SUPT16H: variants seen among roughly 807,000 people sequenced by gnomAD.
SUPT16H encodes FACT complex subunit SPT16.
A neutral mutation model predicts 136.2 loss-of-function variants in SUPT16H; 24 were observed. The ratio of observed to expected loss-of-function variants is 0.18; its 90% CI spans 0.13 to 0.25. The LOEUF is 0.25. Among genes scored for constraint, SUPT16H ranks in the 10% least tolerant of loss-of-function variants. The pLI, the probability that SUPT16H is intolerant of heterozygous loss-of-function variation, is 1.00. For missense variants in SUPT16H, 623 were observed against 1,270.2 expected (o/e 0.49, Z 7.74); for synonymous variants, 415 against 428.2 (o/e 0.97, Z 0.38).
intron 8 of SUPT16H, 53 bp from the exon 9 acceptor site, chr14:21,365,196 T>C: frequency 6.6e-7 from 1 of 1,504,592 alleles, no homozygotes. Flanking sequence ...CTAACATGGA[T>C]CAAGCATAAC....
intron 21 of SUPT16H, 115 bp from the exon 22 acceptor site, chr14:21,357,481 G>GT (rs1296331354): frequency 2.5e-6 from 3 of 1,191,952 alleles, no homozygotes; most frequent in East Asian, 5.8e-5. Flanking sequence ...GCTGTTTTTT[G>GT]GTTTTTTTTT....
rs1345688928 is a variant in SUPT16H, at chr14:21,370,615, CT to C, written c.331-128del. The C allele has an allele frequency of 3.9e-5, 41 of 1,041,864 alleles. No individual in the cohort carries two copies. The East Asian group carries it at 7.4e-4, about 19-fold the overall frequency. 64.5% of individuals were successfully genotyped at this position (1,041,864 alleles called of 1,614,324 possible). A position where few individuals can be genotyped will look rare whatever the true frequency, so the allele number is the denominator to read the frequency against. ...TTAATTCTCCTCCCATCCCCACCTA[CT>C]TTTTACTTTTAAAGAGACAGGGTCT... On this transcript the variant is annotated intron_variant, in intron 3 of 25. Coordinates refer to ENST00000216297, the MANE Select transcript of SUPT16H (RefSeq NM_007192.4).
chr14:21,381,786 C>CTG (rs141560060), intron 1 of SUPT16H, among the ~76,000 whole-genome samples: 2 of 132,412 alleles, frequency 1.5e-5, no homozygotes, highest in Non-Finnish European at 3.1e-5. Flanking sequence ...ATTTATTTGC[C>CTG]TTTTTTTTTT....
intron 5 of SUPT16H, 166 bp downstream of exon 5, chr14:21,369,584 A>T: frequency 9.7e-7 from 1 of 1,030,834 alleles, no homozygotes; most frequent in Non-Finnish European, 1.4e-6. Flanking sequence ...TCAAGAAAAC[A>T]TAACGCAGGC....
Position 21,384,014 on chromosome 14 carries a change from T to A in SUPT16H, c.-87A>T. On this transcript the variant is annotated 5_prime_UTR_variant, in exon 1 of 26. Coordinates refer to ENST00000216297, the MANE Select transcript of SUPT16H (RefSeq NM_007192.4). ...CGCTCTCGGCCCAGGAATCCCGCAC[T>A]CTCCCAATGACCCGGAAGTATCGAC... is the stretch of plus-strand genomic sequence containing the variant. 1 of 1,476,508 alleles carries A rather than the reference T, an allele frequency of 6.8e-7. No homozygotes were observed. Among genetic ancestry groups the A allele is most frequent in the Non-Finnish European group, 9.4e-7 (1 of 1,058,454 alleles). The allele number at this position is 1,476,508 out of a possible 1,614,324, so 91.5% of individuals were successfully genotyped here.
In SUPT16H at chr14:21,360,840, C is replaced by A. The variant is rs1358985598; in HGVS notation, c.2056+6G>T. The A allele has an allele frequency of 1.2e-6, 2 of 1,613,128 alleles. No homozygotes were observed. Among genetic ancestry groups the A allele is most frequent in the Non-Finnish European group, 8.5e-7 (1 of 1,179,606 alleles). On this transcript the variant is annotated splice_donor_region_variant and intron_variant, in intron 17 of 25. Transcript: ENST00000216297. ...AAAGCCTAGGTACAGGAGAGATCAT[C>A]CATACCATTGACATGGGCCTCCAGT... is the stretch of plus-strand genomic sequence containing the variant.
chr14:21,375,797 T>C (rs1886888341), intron 1 of SUPT16H, among the ~76,000 whole-genome samples: 1 of 152,214 alleles, frequency 6.6e-6, no homozygotes, highest in Non-Finnish European at 1.5e-5. Flanking sequence ...TTTGCCATGT[T>C]GGCCAGGCTG....
chr14:21,383,693 A>G (rs1170542258), intron 1 of SUPT16H, 169 bp downstream of exon 1: 2 of 755,764 alleles, frequency 2.6e-6, no homozygotes, highest in East Asian at 5.3e-5. Context: ...TTCCCTGTTA[A>G]GGGGCAGCGT....
intron 5 of SUPT16H, 108 bp downstream of exon 5, chr14:21,369,642 T>C: frequency 7.2e-7 from 1 of 1,385,434 alleles, no homozygotes; most frequent in Non-Finnish European, 1.0e-6. Flanking sequence ...CCAACTTAAG[T>C]GTCAGTCTTA....
chr14:21,362,179 C>A lies in SUPT16H; in HGVS notation c.1793+18G>T, dbSNP rs1886571241. 6.2e-7 allele frequency: 1 copy of A among 1,609,492 alleles called. No individual in the cohort carries two copies. The highest frequency in any genetic ancestry group is 1.3e-5 in the African/African-American group (1 of 74,694). ...CCAGACAAGATGAATCTGGGTATGA[C>A]TTTTCTTGGGGACTCACATTTCCTT... is the stretch of plus-strand genomic sequence containing the variant. On this transcript the variant is annotated intron_variant, in intron 15 of 25. Transcript: ENST00000216297.
intron 21 of SUPT16H, 136 bp from the exon 22 acceptor site, chr14:21,357,502 A>G: frequency 1.2e-6 from 1 of 823,924 alleles, no homozygotes; most frequent in Non-Finnish European, 1.7e-6. Context: ...TGAAAGACTG[A>G]GGCAGTACAA....
chr14:21,370,460 T>C lies in SUPT16H; in HGVS notation c.359A>G (p.Lys120Arg), dbSNP rs1388855903. ...GCTTTCTTTAATGGCTTCAATCATT[T>C]TGTCAAAGCTACTCTTATTACTTTC... ...KNESNKSSFD[K>R]MIEAIKESKN... The change falls in exon 4 of 26, where the codon AAA (lysine) becomes AGA (arginine). Residue 120 changes from lysine (K) to arginine (R), a missense_variant. Around this residue, in one of 7 missense-constraint regions of SUPT16H, gnomAD observed 343 missense variants for 525.7 expected, o/e 0.65. Coordinates refer to ENST00000216297, the MANE Select transcript of SUPT16H (RefSeq NM_007192.4). 1 of 1,614,184 alleles carries C rather than the reference T, an allele frequency of 6.2e-7. No homozygotes were observed.
intron 3 of SUPT16H, among the ~76,000 whole-genome samples, 173 bp downstream of exon 3, chr14:21,371,701 G>A (rs1278837254): frequency 6.6e-6 from 1 of 152,174 alleles, no homozygotes; most frequent in Admixed American, 6.5e-5. Flanking sequence ...AGAACTGATA[G>A]GATTATTGAA....
chr14:21,362,052 T>C, intron 15 of SUPT16H, 145 bp downstream of exon 15: 1 of 934,034 alleles, frequency 1.1e-6, no homozygotes, highest in East Asian at 2.7e-5. Context: ...TAGTACAAAG[T>C]CAAGAAGGCG....
chr14:21,377,576 C>CT (rs771328078), intron 1 of SUPT16H, among the ~76,000 whole-genome samples: 7,474 of 141,456 alleles, frequency 0.053, 322 homozygotes, highest in African/African-American at 0.12. Flanking sequence ...TCTATGCATC[C>CT]TTTTTTTTTT....
chr14:21,369,720 C>G (rs17197100), intron 5 of SUPT16H, 30 bp downstream of exon 5: 172,441 of 1,611,646 alleles, frequency 0.11, 10,485 homozygotes, highest in Non-Finnish European at 0.12. Flanking sequence ...TTCATTAAAA[C>G]AGTAAAAAGA....
At chr14:21,375,122 T>A (rs1886873462) in intron 1 of SUPT16H, among the ~76,000 whole-genome samples, 1 of 152,142 alleles carries the variant, frequency 6.6e-6, no homozygotes, top group Non-Finnish European at 1.5e-5. Context: ...CAAGCGATTC[T>A]TGTGCCTCAG....
intron 3 of SUPT16H, among the ~76,000 whole-genome samples, chr14:21,370,699 G>C (rs1044464250): frequency 6.6e-6 from 1 of 151,884 alleles, no homozygotes; most frequent in African/African-American, 2.4e-5. Flanking sequence ...CTGCAACCTC[G>C]AACTCCCAAG....
At chr14:21,365,545 G>C (rs1001267736) in intron 8 of SUPT16H, among the ~76,000 whole-genome samples, 9 of 152,110 alleles carry the variant, frequency 5.9e-5, no homozygotes, top group Admixed American at 1.3e-4. Flanking sequence ...AGATTCGTAA[G>C]ACTTGTTATA....
Sources: gnomAD v4.1 joint callset for allele counts (sites outside exome capture counted in the v4.1 genomes callset) on GRCh38, gnomAD v4.1.1 for gene constraint, gnomAD v4.1.1 regional missense constraint, MANE v1.5 for transcripts, NCBI Gene and HGNC (gene_info 2026-07-23, HGNC 2026-07-21) for gene names.